The following NDUFS7 variants were observed in gnomAD, a reference collection of about 807,000 sequenced individuals.
NDUFS7 encodes the protein NADH:ubiquinone oxidoreductase core subunit S7.
A neutral mutation model predicts 31.1 loss-of-function variants in NDUFS7; 11 were observed. That is an observed-to-expected ratio of 0.35 (90% CI 0.22 to 0.59). NDUFS7 has a LOEUF of 0.59. Among genes scored for constraint, NDUFS7 ranks in the 20% least tolerant of loss-of-function variants. The probability of loss-of-function intolerance (pLI) is 0.79; values close to 1 mark genes in which losing one functional copy is unlikely to be tolerated. For missense variants in NDUFS7, 263 were observed against 324.2 expected, an observed-to-expected ratio of 0.81 and a Z score of 1.45; for synonymous variants, 136 against 127.9, an observed-to-expected ratio of 1.06 and a Z score of -0.43.
intron 7 of NDUFS7, chr19:1,394,623 CG>C: frequency 1.6e-6 from 2 of 1,217,736 alleles, no homozygotes; most frequent in Non-Finnish European, 2.1e-6. Context: ...TCCCTCCCAG[CG>C]GACCGCGCTC....
At chr19:1,395,183 G>A (rs1041197400) in intron 7 of NDUFS7, 9 of 1,420,966 alleles carry the variant, frequency 6.3e-6, no homozygotes, top group Non-Finnish European at 8.3e-6. Flanking sequence ...GGGCAGTGGG[G>A]CCTTGCCCAG....
At chr19:1,389,907 CT>C (rs531607907) in intron 4 of NDUFS7, 6,387 of 179,560 alleles carry the variant, frequency 0.036, no homozygotes, top group South Asian at 0.087. Context: ...CTTTTCTTTT[CT>C]TTTTTTTTTT....
At chr19:1,394,873 C>A (rs1357230301) in intron 7 of NDUFS7, 2 of 1,126,146 alleles carry the variant, frequency 1.8e-6, no homozygotes, top group African/African-American at 1.6e-5. Flanking sequence ...TTGTTCTGAA[C>A]CTGCGTGGCA....
In NDUFS7 at chr19:1,387,542, G is replaced by A. The variant is rs556891539; in HGVS notation, c.17-269G>A. Among the ~76,000 whole-genome samples, 12 of 152,352 alleles carry A rather than the reference G, an allele frequency of 7.9e-5. No individual in the cohort carries two copies. The South Asian group carries it at 2.1e-3, about 26-fold the overall frequency. On this transcript the variant is annotated intron_variant, in intron 1 of 7. Transcript: ENST00000233627. ...CAGCAGCCAGTGCGGGGGCCCTGGC[G>A]CAGGAAAGCGGCAGGTGCCAGTGAA...
rs1225227397 is a variant in NDUFS7, at chr19:1,388,937, G to A, written c.227G>A (p.Arg76Gln). 5.0e-6 allele frequency: 8 copies of A among 1,602,994 alleles called. No homozygotes were observed. The highest frequency in any genetic ancestry group is 4.5e-5 in the East Asian group (2 of 44,488). ...KLDDLVNWAR[R>Q]SSLWPMTFGL... ...GATGACCTCGTCAACTGGGCCCGCC[G>A]GGTGAGTACTATGAGCTGTAGGCCC... is the stretch of plus-strand genomic sequence containing the variant. The change falls in exon 4 of 8, where the codon CGG becomes CAG. Residue 76 changes from arginine (R) to glutamine (Q), a missense_variant and splice_region_variant. Physicochemically the swap from Arg to Gln is conservative, Grantham distance 43. Coordinates refer to ENST00000233627, the MANE Select transcript of NDUFS7 (RefSeq NM_024407.5).
Position 1,393,520 on chromosome 19 carries a change from A to G in NDUFS7, c.544+190A>G. ...CCTGTGAGAAGTCGGCGATGTATTCAGGCATCAGAGGGATCAGAGGGAGCA... is the reference window on the plus strand; with the variant it reads ...CCTGTGAGAAGTCGGCGATGTATTCGGGCATCAGAGGGATCAGAGGGAGCA... On this transcript the variant is annotated intron_variant, in intron 7 of 7. Coordinates refer to ENST00000233627, the MANE Select transcript of NDUFS7 (RefSeq NM_024407.5). The surrounding 1 kb of genome is among the most constrained non-coding windows in gnomAD (Gnocchi z 7.3). 1.5e-6 allele frequency: 1 copy of G among 684,858 alleles called. No individual in the cohort carries two copies. Among genetic ancestry groups the G allele is most frequent in the African/African-American group, 1.8e-5 (1 of 56,778 alleles). 42.4% of individuals were successfully genotyped at this position (684,858 alleles called of 1,614,324 possible). A position where few individuals can be genotyped will look rare whatever the true frequency, so the allele number is the denominator to read the frequency against.
chr19:1,387,870 C>T (rs753105953), intron 2 of NDUFS7, 23 bp downstream of exon 2: 7 of 1,535,980 alleles, frequency 4.6e-6, no homozygotes, highest in South Asian at 4.4e-5. Flanking sequence ...GTCTCCAGCC[C>T]TCAGCTGGGA....
intron 6 of NDUFS7, 78 bp downstream of exon 6, chr19:1,391,243 A>G: frequency 6.6e-7 from 1 of 1,519,164 alleles, no homozygotes; most frequent in Non-Finnish European, 9.0e-7. Flanking sequence ...GGCGCTTATC[A>G]AAAGTGTCAT....
chr19:1,389,458 C>T (rs1372715709), intron 4 of NDUFS7: 2 of 457,670 alleles, frequency 4.4e-6, no homozygotes, highest in South Asian at 1.5e-5. Context: ...CCCGGAGGCC[C>T]CTGTGCTGGC....
chr19:1,385,445 G>A (rs1408126435), intron 1 of NDUFS7, among the ~76,000 whole-genome samples: 1 of 152,094 alleles, frequency 6.6e-6, no homozygotes, highest in African/African-American at 2.4e-5. Context: ...CCCGGGAGGC[G>A]GAGGTTGCAG....
chr19:1,393,808 T>C lies in NDUFS7; in HGVS notation c.544+478T>C. The C allele has an allele frequency of 2.6e-6, 1 of 380,288 alleles. No individual in the cohort carries two copies. The highest frequency in any genetic ancestry group is 4.9e-6 in the Non-Finnish European group (1 of 203,404). 23.6% of individuals were successfully genotyped at this position (380,288 alleles called of 1,614,324 possible). On this transcript the variant is annotated intron_variant, in intron 7 of 7. Coordinates refer to ENST00000233627, the MANE Select transcript of NDUFS7 (RefSeq NM_024407.5). The surrounding 1 kb of genome is among the most constrained non-coding windows in gnomAD (Gnocchi z 7.3). ...GTGAATTTGACCATCAGGAAAACTG[T>C]TAGTAGTAATTGTTTAGTACGAGTA...
intron 1 of NDUFS7, among the ~76,000 whole-genome samples, chr19:1,386,017 C>G (rs1326913195): frequency 6.6e-6 from 1 of 152,224 alleles, no homozygotes; most frequent in Non-Finnish European, 1.5e-5. Flanking sequence ...CTGTGCCCAG[C>G]CTCAGGCATG....
intron 7 of NDUFS7, chr19:1,394,656 T>TCCTC (rs1197808191): frequency 1.7e-5 from 21 of 1,219,710 alleles, no homozygotes; most frequent in African/African-American, 1.4e-4. Context: ...GGGACCTCGC[T>TCCTC]CCTCCCTCCC....
At chr19:1,388,755 G>A (rs538064847) in intron 3 of NDUFS7, 78 bp from the exon 4 acceptor site, 7 of 1,487,214 alleles carry the variant, frequency 4.7e-6, no homozygotes, top group East Asian at 4.9e-5. Flanking sequence ...CTCTGGCAGC[G>A]GCCGTGGGGG....
intron 7 of NDUFS7, chr19:1,394,859 C>G (rs2082585010): frequency 2.6e-6 from 3 of 1,144,174 alleles, no homozygotes; most frequent in Non-Finnish European, 3.3e-6. Context: ...CTTGCTCAAG[C>G]CCTTTGTTCT....
At chr19:1,391,190 A>G (rs749057235) in intron 6 of NDUFS7, 25 bp downstream of exon 6, 3 of 1,609,048 alleles carry the variant, frequency 1.9e-6, no homozygotes, top group Non-Finnish European at 2.5e-6. Context: ...GGGGGTCTCC[A>G]GGGACAGACG....
chr19:1,393,707 A>G lies in NDUFS7; in HGVS notation c.544+377A>G, dbSNP rs1008568598. 3.6e-6 allele frequency: 2 copies of G among 562,964 alleles called. No homozygotes were observed. The allele number at this position is 562,964 out of a possible 1,614,324, so 34.9% of individuals were successfully genotyped here. ...CCCTCAGCCTTACAGAAGGGCACGC[A>G]GGACTCCCTGGGACCCGGGGTGGCC... On this transcript the variant is annotated intron_variant, in intron 7 of 7. Transcript: ENST00000233627. The surrounding 1 kb of genome is among the most constrained non-coding windows in gnomAD (Gnocchi z 7.3).
chr19:1,384,340 G>A (rs187714328), intron 1 of NDUFS7, among the ~76,000 whole-genome samples: 1 of 152,304 alleles, frequency 6.6e-6, no homozygotes, highest in East Asian at 1.9e-4. Context: ...GAGGTCACAG[G>A]GCCGGGCCTG....
At chr19:1,385,420 A>G (rs1252499503) in intron 1 of NDUFS7, among the ~76,000 whole-genome samples, 1 of 151,924 alleles carries the variant, frequency 6.6e-6, no homozygotes, top group Non-Finnish European at 1.5e-5. Context: ...GGCTGGGGCA[A>G]GAGAATCGCT....
Sources: gnomAD v4.1 joint callset for allele counts (sites outside exome capture counted in the v4.1 genomes callset) on GRCh38, gnomAD v4.1.1 for gene constraint, Gnocchi (gnomAD v3.1) non-coding constraint, MANE v1.5 for transcripts, NCBI Gene and HGNC (gene_info 2026-07-23, HGNC 2026-07-21) for gene names.